Variants in RARB observed in about 807,000 individuals in gnomAD.
The protein encoded by RARB is HBV-activated protein.
RARB carries 17 observed loss-of-function variants against 51.9 expected under a neutral mutation model. That is an observed-to-expected ratio of 0.33 (90% CI 0.22 to 0.49). The LOEUF (loss-of-function observed/expected upper bound fraction) is 0.49. Among genes scored for constraint, RARB ranks in the 20% least tolerant of loss-of-function variants. The pLI is 0.99. For missense variants in RARB, 369 were observed against 550.8 expected, an observed-to-expected ratio of 0.67 and a Z score of 3.30; for synonymous variants, 215 against 195.4, an observed-to-expected ratio of 1.10 and a Z score of -0.84.
intron 2 of RARB, among the ~76,000 whole-genome samples, chr3:24,899,304 C>T (rs887620966): frequency 6.6e-6 from 1 of 152,104 alleles, no homozygotes; most frequent in African/African-American, 2.4e-5. Context: ...AGAATAAGTG[C>T]TCCAGGTGAT....
intron 1 of RARB, among the ~76,000 whole-genome samples, chr3:25,442,030 TATC>T (rs550879233): frequency 3.9e-5 from 6 of 152,234 alleles, no homozygotes; most frequent in Non-Finnish European, 8.8e-5. Context: ...CATTGTCTAA[TATC>T]ATAGTCGCTA....
intron 3 of RARB, among the ~76,000 whole-genome samples, chr3:25,543,682 A>G (rs1699486810): frequency 6.6e-6 from 1 of 152,188 alleles, no homozygotes; most frequent in Non-Finnish European, 1.5e-5. Context: ...GGAGTGATAG[A>G]TTGACCAGAG....
chr3:25,204,190 A>G (rs1489212778), intron 5 of RARB, among the ~76,000 whole-genome samples: 1 of 152,118 alleles, frequency 6.6e-6, no homozygotes, highest in Non-Finnish European at 1.5e-5. Flanking sequence ...ATCTTCAATC[A>G]TTGATACCCT....
At chr3:24,834,981 A>T (rs1702325216) in intron 1 of RARB, among the ~76,000 whole-genome samples, 1 of 145,914 alleles carries the variant, frequency 6.9e-6, no homozygotes, top group Non-Finnish European at 1.5e-5. Flanking sequence ...TTCTTTCTTC[A>T]CTTTCTGCTG....
intron 2 of RARB, among the ~76,000 whole-genome samples, chr3:24,889,915 A>G (rs1703345026): frequency 6.6e-6 from 1 of 151,898 alleles, no homozygotes; most frequent in South Asian, 2.1e-4. Context: ...CATGAAAAAA[A>G]AAAAAAAAGA....
At chr3:25,579,961 A>G (rs1377107109) in intron 4 of RARB, among the ~76,000 whole-genome samples, 1 of 152,210 alleles carries the variant, frequency 6.6e-6, no homozygotes, top group Non-Finnish European at 1.5e-5. Context: ...TCAGAGTTAG[A>G]AAATGGTGAC....
At chr3:25,359,680 G>T (rs1219195550) in intron 5 of RARB, among the ~76,000 whole-genome samples, 1 of 152,098 alleles carries the variant, frequency 6.6e-6, no homozygotes, top group Non-Finnish European at 1.5e-5. Flanking sequence ...TTGTGTCATT[G>T]TTCTCACTGG....
At chr3:25,463,890 G>T (rs1695307875) in intron 2 of RARB, among the ~76,000 whole-genome samples, 1 of 152,104 alleles carries the variant, frequency 6.6e-6, no homozygotes, top group South Asian at 2.1e-4. Context: ...ATTCTGACAT[G>T]GTAGTCAGGA....
At chr3:25,034,548 A>T (rs1697942358) in intron 2 of RARB, among the ~76,000 whole-genome samples, 1 of 152,214 alleles carries the variant, frequency 6.6e-6, no homozygotes, top group African/African-American at 2.4e-5. Flanking sequence ...ACAAAAGTAG[A>T]TGTGCAAAGA....
chr3:25,057,039 T>C (rs893731653), intron 2 of RARB, among the ~76,000 whole-genome samples: 19 of 152,090 alleles, frequency 1.2e-4, no homozygotes, highest in African/African-American at 4.1e-4. Flanking sequence ...CCCATGTTCC[T>C]TGGGATTTCT....
At chr3:25,244,248 A>G (rs893208023) in intron 5 of RARB, among the ~76,000 whole-genome samples, 1 of 147,824 alleles carries the variant, frequency 6.8e-6, no homozygotes. Flanking sequence ...AATCTTTCCA[A>G]TAAACCAGCT....
intron 3 of RARB, among the ~76,000 whole-genome samples, chr3:25,091,275 C>T (rs1387772893): frequency 6.6e-6 from 1 of 152,116 alleles, no homozygotes; most frequent in Non-Finnish European, 1.5e-5. Context: ...TTCTGAGGTT[C>T]GAAGATACAC....
At chr3:24,839,579 A>T (rs1457215480) in intron 1 of RARB, among the ~76,000 whole-genome samples, 1 of 150,066 alleles carries the variant, frequency 6.7e-6, no homozygotes, top group East Asian at 2.0e-4. Flanking sequence ...ATGGCGGTGC[A>T]CATCTGTGGT....
chr3:25,331,164 A>C (rs1035785666), intron 5 of RARB, among the ~76,000 whole-genome samples: 1 of 152,236 alleles, frequency 6.6e-6, no homozygotes, highest in East Asian at 1.9e-4. Context: ...TCAGCTCTGC[A>C]CCAAGCAGAC....
chr3:25,359,697 A>T (rs1247929081), intron 5 of RARB, among the ~76,000 whole-genome samples: 2 of 152,168 alleles, frequency 1.3e-5, no homozygotes, highest in Non-Finnish European at 2.9e-5. Flanking sequence ...CTGGTTTCAA[A>T]TAACTTATTT....
At chr3:25,221,773 A>G (rs541649090) in intron 5 of RARB, among the ~76,000 whole-genome samples, 1 of 152,274 alleles carries the variant, frequency 6.6e-6, no homozygotes, top group Non-Finnish European at 1.5e-5. Flanking sequence ...CAATTTAGAG[A>G]TCTACAGTGG....
At chr3:25,248,302 T>A (rs1702618869) in intron 5 of RARB, among the ~76,000 whole-genome samples, 1 of 152,176 alleles carries the variant, frequency 6.6e-6, no homozygotes, top group South Asian at 2.1e-4. Flanking sequence ...TATAGGTGGA[T>A]CATGTTTTTA....
At chr3:25,344,327 A>G (rs542044698) in intron 5 of RARB, among the ~76,000 whole-genome samples, 2 of 152,312 alleles carry the variant, frequency 1.3e-5, no homozygotes, top group East Asian at 3.9e-4. Context: ...GTCCCTGAGA[A>G]TCTTAGGCAA....
intron 5 of RARB, among the ~76,000 whole-genome samples, chr3:25,193,921 A>G (rs910297721): frequency 2.6e-5 from 4 of 151,244 alleles, no homozygotes; most frequent in Non-Finnish European, 5.9e-5. Flanking sequence ...AGTTAGTAAG[A>G]TGATTATTTA....
Sources: gnomAD v4.1 joint callset for allele counts (sites outside exome capture counted in the v4.1 genomes callset) on GRCh38, gnomAD v4.1.1 for gene constraint, MANE v1.5 for transcripts, NCBI Gene and HGNC (gene_info 2026-07-23, HGNC 2026-07-21) for gene names.